The following ANKRD45 variants were observed in gnomAD, a reference collection of about 807,000 sequenced individuals.
ANKRD45 encodes ankyrin repeat domain-containing protein 45.
Under a neutral mutation model 28.1 loss-of-function variants are expected in ANKRD45, and 21 were observed. The ratio of observed to expected loss-of-function variants is 0.75; its 90% CI spans 0.53 to 1.08. The LOEUF (loss-of-function observed/expected upper bound fraction) is 1.08. Among genes scored for constraint, ANKRD45 ranks in the 50% least tolerant of loss-of-function variants. The probability of loss-of-function intolerance (pLI) is 0.00; values close to 1 mark genes in which losing one functional copy is unlikely to be tolerated. For synonymous variants in ANKRD45, 86 were observed against 103.9 expected (o/e 0.83, Z 1.05); for missense variants, 261 against 308.7 (o/e 0.85, Z 1.16).
Position 173,644,310 on chromosome 1 carries a change from T to A in ANKRD45, c.496+2536A>T, listed in dbSNP as rs981625453. 4.1e-4 allele frequency among the ~76,000 whole-genome samples: 63 copies of A among 152,214 alleles called. 1 individual carries two copies. The highest frequency in any genetic ancestry group is 1.4e-3 in the African/African-American group (57 of 41,448). Reference sequence around the variant, plus strand: ...TTCTGACATTCCACAGCTACATTACTATGAAACTCCATTCTGAATAAGACT... The same window carrying A: ...TTCTGACATTCCACAGCTACATTACAATGAAACTCCATTCTGAATAAGACT... On this transcript the variant is annotated intron_variant, in intron 3 of 5. Transcript: ENST00000333279.
At chr1:173,611,604 C>T (rs891760929) in intron 5 of ANKRD45, among the ~76,000 whole-genome samples, 1 of 148,734 alleles carries the variant, frequency 6.7e-6, no homozygotes, top group Non-Finnish European at 1.5e-5. Flanking sequence ...CACACACACA[C>T]ACACACACAC....
At chr1:173,703,336 TG>T in the ANKRD45 span, among the ~76,000 whole-genome samples, 1 of 152,096 alleles carries the variant, frequency 6.6e-6, no homozygotes, top group South Asian at 2.1e-4. Flanking sequence ...CCCGAGTAGC[TG>T]GGACTACAGG....
At chr1:173,655,375 G>A (rs1669455880) in intron 2 of ANKRD45, among the ~76,000 whole-genome samples, 1 of 152,192 alleles carries the variant, frequency 6.6e-6, no homozygotes, top group Non-Finnish European at 1.5e-5. Context: ...GTCTGTTGGA[G>A]TTTGCTGGAG....
Position 173,659,099 on chromosome 1 carries a change from G to T in ANKRD45, c.320C>A (p.Thr107Asn). The T allele has an allele frequency of 6.2e-7, 1 of 1,613,320 alleles. No homozygotes were observed. The highest frequency in any genetic ancestry group is 8.5e-7 in the Non-Finnish European group (1 of 1,179,592). ...GAAAAAAGACAAAATACCTCTGGTGGTTTTTTCATTCAGATTCACACCATA... is the reference window on the plus strand; with the variant it reads ...GAAAAAAGACAAAATACCTCTGGTGTTTTTTTCATTCAGATTCACACCATA... ...AKYGVNLNEK[T>N]TRGYTLLHCA... Residue 107 changes from threonine to asparagine, a missense_variant, in exon 2 of 6, where the codon ACC (threonine) becomes AAC (asparagine). Physicochemically the swap from Thr to Asn is moderately conservative, Grantham distance 65. Transcript: ENST00000333279.
intron 1 of ANKRD45, among the ~76,000 whole-genome samples, chr1:173,661,846 G>T (rs571627490): frequency 6.6e-6 from 1 of 152,228 alleles, no homozygotes; most frequent in Admixed American, 6.6e-5. Flanking sequence ...TAAAAAAAGT[G>T]ATAATTTTAG....
intron 2 of ANKRD45, chr1:173,658,160 CA>C: frequency 5.4e-5 from 9 of 166,624 alleles, no homozygotes; most frequent in South Asian, 2.2e-4. Flanking sequence ...CCGTCTCTAC[CA>C]AAAAATACAA....
chr1:173,627,233 C>T, intron 3 of ANKRD45, 74 bp from the exon 4 acceptor site: 1 of 959,184 alleles, frequency 1.0e-6, no homozygotes, highest in Non-Finnish European at 1.7e-6. Context: ...AAATGGAAGC[C>T]TCCACTGTCC....
the ANKRD45 span, among the ~76,000 whole-genome samples, chr1:173,693,135 A>C: frequency 6.6e-6 from 1 of 152,234 alleles, no homozygotes; most frequent in African/African-American, 2.4e-5. Context: ...CTCCATCTCT[A>C]CTAAAAATAC....
At chr1:173,681,639 T>C in the ANKRD45 span, among the ~76,000 whole-genome samples, 1 of 152,148 alleles carries the variant, frequency 6.6e-6, no homozygotes, top group African/African-American at 2.4e-5. Context: ...TCCTAGGCAG[T>C]TGTCAGCTAC....
At chr1:173,618,342 A>G (rs1667554846) in intron 5 of ANKRD45, among the ~76,000 whole-genome samples, 1 of 152,232 alleles carries the variant, frequency 6.6e-6, no homozygotes, top group Admixed American at 6.5e-5. Context: ...AATGAACTTC[A>G]CTGAGCTAAA....
rs140924998 is a variant in ANKRD45 at position 173,625,179 on chromosome 1, A to G, written c.592-254T>C. Among the ~76,000 whole-genome samples, 171 of 152,176 alleles carry G rather than the reference A, an allele frequency of 1.1e-3. 2 individuals carry two copies. Among genetic ancestry groups the G allele is most frequent in the African/African-American group, 4.0e-3 (165 of 41,526 alleles). On this transcript the variant is annotated intron_variant, in intron 4 of 5. Coordinates refer to ENST00000333279, the MANE Select transcript of ANKRD45 (RefSeq NM_198493.3). The stretch of plus-strand genomic sequence containing the variant: ...CAAATTTGAATAGTCACATGTGGCT[A>G]GTATCTATTATATTGGACAGTGCAG...
intron 1 of ANKRD45, among the ~76,000 whole-genome samples, chr1:173,668,763 A>G (rs1304039653): frequency 6.6e-6 from 1 of 152,256 alleles, no homozygotes. Flanking sequence ...ACAAAAATAA[A>G]TTACATTTTC....
the ANKRD45 span, among the ~76,000 whole-genome samples, chr1:173,702,877 C>A: frequency 2.0e-4 from 30 of 151,954 alleles, no homozygotes; most frequent in Non-Finnish European, 3.2e-4. Context: ...CATGCACCAC[C>A]ACCATGCCTG....
At chr1:173,701,956 A>C in the ANKRD45 span, among the ~76,000 whole-genome samples, 1 of 152,244 alleles carries the variant, frequency 6.6e-6, no homozygotes, top group African/African-American at 2.4e-5. Context: ...AAAGATAACT[A>C]GAAATTCAAC....
At chr1:173,620,823 A>T (rs1667669339) in intron 5 of ANKRD45, among the ~76,000 whole-genome samples, 1 of 152,146 alleles carries the variant, frequency 6.6e-6, no homozygotes, top group South Asian at 2.1e-4. Context: ...GAATTGAAGG[A>T]GACAGAGACA....
chr1:173,627,046 A>C lies in ANKRD45; in HGVS notation c.591+19T>G, dbSNP rs1398691562. On this transcript the variant is annotated intron_variant, in intron 4 of 5. Transcript: ENST00000333279. ...ATTCTCAAAACACTACAGAACAAGCAATAATCACAATACAGTACCTTGTCT... is the reference window on the plus strand; with the variant it reads ...ATTCTCAAAACACTACAGAACAAGCCATAATCACAATACAGTACCTTGTCT... 6.5e-7 allele frequency: 1 copy of C among 1,535,594 alleles called. No homozygotes were observed. The highest frequency in any genetic ancestry group is 8.9e-7 in the Non-Finnish European group (1 of 1,117,712).
chr1:173,626,273 C>T (rs1022823507), intron 4 of ANKRD45, among the ~76,000 whole-genome samples: 8 of 152,004 alleles, frequency 5.3e-5, no homozygotes, highest in African/African-American at 1.9e-4. Flanking sequence ...AATTTAAAAC[C>T]AAAACACATT....
At position 173,643,475 on chromosome 1, in the gene ANKRD45, T is replaced by C. The variant is rs561812096; in HGVS notation, c.496+3371A>G. Among the ~76,000 whole-genome samples, 3 of 152,254 alleles carry C rather than the reference T, an allele frequency of 2.0e-5. 1 individual carries two copies. Among genetic ancestry groups the C allele is most frequent in the African/African-American group, 7.2e-5 (3 of 41,562 alleles). On this transcript the variant is annotated intron_variant, in intron 3 of 5. Transcript: ENST00000333279. The stretch of plus-strand genomic sequence containing the variant: ...TGTGAGCCACTGCACCCAGGCTTCC[T>C]GAGAAAATTTTATAACCACAGGAAG...
At chr1:173,671,743 G>A (rs563979589), upstream of ANKRD45, among the ~76,000 whole-genome samples, 18 of 151,808 alleles carry the variant, frequency 1.2e-4, no homozygotes, top group African/African-American at 3.9e-4. Flanking sequence ...TTAGCCAGGC[G>A]TGGTGGTATG....
Sources: gnomAD v4.1 joint callset for allele counts (sites outside exome capture counted in the v4.1 genomes callset) on GRCh38, gnomAD v4.1.1 for gene constraint, MANE v1.5 for transcripts, NCBI Gene and HGNC (gene_info 2026-07-23, HGNC 2026-07-21) for gene names.